Variants in RNF17 observed in about 807,000 individuals in gnomAD.
RNF17 encodes ring finger protein 17.
A neutral mutation model predicts 200.5 loss-of-function variants in RNF17; 31 were observed. The ratio of observed to expected loss-of-function variants is 0.15; its 90% CI spans 0.12 to 0.21. The LOEUF is 0.21. Among genes scored for constraint, RNF17 ranks in the 10% least tolerant of loss-of-function variants. RNF17 has a pLI of 1.00. For synonymous variants in RNF17, 606 were observed against 637.8 expected, an observed-to-expected ratio of 0.95 and a Z score of 0.75; for missense variants, 1,628 against 1,905.1, an observed-to-expected ratio of 0.85 and a Z score of 2.71.
At chr13:24,796,658 G>A (rs1015791634) in intron 11 of RNF17, among the ~76,000 whole-genome samples, 4 of 152,202 alleles carry the variant, frequency 2.6e-5, no homozygotes, top group Non-Finnish European at 4.4e-5. Flanking sequence ...CCATGTGTGA[G>A]TGTTGGGGCT....
At chr13:24,881,046 A>G (rs568334086), downstream of RNF17, among the ~76,000 whole-genome samples, 3 of 152,274 alleles carry the variant, frequency 2.0e-5, no homozygotes, top group East Asian at 5.8e-4. Context: ...TGTAGAAACA[A>G]TGTATTCTAG....
intron 15 of RNF17, 35 bp downstream of exon 15, chr13:24,804,464 TA>T (rs1285369299): frequency 3.3e-6 from 5 of 1,516,372 alleles, no homozygotes; most frequent in African/African-American, 1.4e-5. Context: ...ATGAAGTTTT[TA>T]AAAAAATTTT....
chr13:24,834,959 G>A (rs1178504118), intron 18 of RNF17, among the ~76,000 whole-genome samples: 1 of 152,194 alleles, frequency 6.6e-6, no homozygotes, highest in African/African-American at 2.4e-5. Flanking sequence ...TCTCCACCTG[G>A]ACACAGACTT....
chr13:24,883,338 CATT>C (rs761551736), downstream of RNF17: 1 of 1,612,858 alleles, frequency 6.2e-7, no homozygotes, highest in Non-Finnish European at 8.5e-7. Flanking sequence ...TCTCTTTGGC[CATT>C]ATTAAACTCT....
At chr13:24,881,914 A>G (rs1282805166), downstream of RNF17, among the ~76,000 whole-genome samples, 453 of 58,666 alleles carry the variant, frequency 7.7e-3, no homozygotes, top group African/African-American at 0.012. Context: ...ATATATAGAT[A>G]CATCTATATA....
At chr13:24,777,579 T>C (rs1164558633) in intron 3 of RNF17, among the ~76,000 whole-genome samples, 1 of 152,222 alleles carries the variant, frequency 6.6e-6, no homozygotes, top group African/African-American at 2.4e-5. Context: ...ATTAACTTGC[T>C]TAGTTAAATT....
At position 24,879,125 on chromosome 13, in the gene RNF17, TGA is replaced by T. The variant is rs1895168081; in HGVS notation, c.4774-58_4774-57del. ...TCACACCCGTGTGAATGGCCAGATA[TGA>T]GAGGGAAAAGGCAGCAAAGACATTA... On this transcript the variant is annotated intron_variant, in intron 34 of 35. Coordinates refer to ENST00000255324, the MANE Select transcript of RNF17 (RefSeq NM_031277.3). 7.6e-5 allele frequency: 95 copies of T among 1,255,396 alleles called. No individual in the cohort carries two copies. In the South Asian group the frequency reaches 1.1e-3, roughly 14 times the overall value. The allele number at this position is 1,255,396 out of a possible 1,614,324, so 77.8% of individuals were successfully genotyped here.
At chr13:24,759,476 A>G (rs949856170), upstream of RNF17, among the ~76,000 whole-genome samples, 1 of 152,232 alleles carries the variant, frequency 6.6e-6, no homozygotes, top group Admixed American at 6.5e-5. Flanking sequence ...TCCAGCATGC[A>G]CATTCTAAAT....
At chr13:24,837,630 A>C (rs1354773195) in intron 18 of RNF17, among the ~76,000 whole-genome samples, 1 of 152,166 alleles carries the variant, frequency 6.6e-6, no homozygotes, top group South Asian at 2.1e-4. Context: ...GGAAATTAAA[A>C]ATTTCTTCAA....
intron 5 of RNF17, among the ~76,000 whole-genome samples, chr13:24,780,152 AT>A (rs1882151534): frequency 6.6e-6 from 1 of 152,160 alleles, no homozygotes; most frequent in Admixed American, 6.6e-5. Flanking sequence ...TAGCAACAAA[AT>A]TTACAATTAA....
At chr13:24,837,309 A>G (rs1465974628) in intron 18 of RNF17, among the ~76,000 whole-genome samples, 1 of 152,204 alleles carries the variant, frequency 6.6e-6, no homozygotes, top group Admixed American at 6.5e-5. Context: ...ACATTACTAG[A>G]CAGGTCATCA....
upstream of RNF17, among the ~76,000 whole-genome samples, chr13:24,759,657 T>C (rs2137819400): frequency 6.6e-6 from 1 of 152,014 alleles, no homozygotes; most frequent in East Asian, 1.9e-4. Flanking sequence ...GGTTGCAGAA[T>C]GGGCAGAAAT....
chr13:24,792,457 A>G (rs1326886571), intron 9 of RNF17, among the ~76,000 whole-genome samples: 1 of 152,296 alleles, frequency 6.6e-6, no homozygotes, highest in East Asian at 1.9e-4. Flanking sequence ...TTGAAGGAGA[A>G]CAGAAGTGGT....
At chr13:24,788,256 C>T (rs1883375108) in intron 7 of RNF17, 97 bp downstream of exon 7, 1 of 839,282 alleles carries the variant, frequency 1.2e-6, no homozygotes. Flanking sequence ...TCAGATTATC[C>T]TAACCTATAT....
chr13:24,842,022 T>C lies in RNF17; in HGVS notation c.2483-19T>C, dbSNP rs1483255670. 1.3e-6 allele frequency: 2 copies of C among 1,584,304 alleles called. No individual in the cohort carries two copies. Among genetic ancestry groups the C allele is most frequent in the Admixed American group, 1.9e-5 (1 of 51,554 alleles). ...TTGTGACATATTTCTTTCCCCAAAC[T>C]TTCTTAATGGTTTTACAGAAATTCT... On this transcript the variant is annotated intron_variant, in intron 18 of 35. Coordinates refer to ENST00000255324, the MANE Select transcript of RNF17 (RefSeq NM_031277.3).
intron 13 of RNF17, among the ~76,000 whole-genome samples, chr13:24,801,025 T>G (rs951823656): frequency 6.6e-6 from 1 of 152,198 alleles, no homozygotes; most frequent in Non-Finnish European, 1.5e-5. Flanking sequence ...GAGGAGTCTG[T>G]CTTTGCTCAT....
At chr13:24,865,060 T>G in intron 29 of RNF17, 62 bp downstream of exon 29, 1 of 1,243,830 alleles carries the variant, frequency 8.0e-7, no homozygotes, top group Non-Finnish European at 1.1e-6. Context: ...AAATGTCACA[T>G]TTTGTCTTAC....
the RNF17 span, among the ~76,000 whole-genome samples, chr13:24,755,417 A>G: frequency 6.6e-6 from 1 of 152,156 alleles, no homozygotes; most frequent in Non-Finnish European, 1.5e-5. Context: ...GCTTATTCAC[A>G]CTGATTGGAA....
intron 15 of RNF17, among the ~76,000 whole-genome samples, chr13:24,825,163 T>C (rs966073248): frequency 2.0e-5 from 3 of 152,106 alleles, no homozygotes; most frequent in East Asian, 1.9e-4. Flanking sequence ...AAAAGTGTTA[T>C]GGAGATAACA....
Sources: gnomAD v4.1 joint callset for allele counts (sites outside exome capture counted in the v4.1 genomes callset) on GRCh38, gnomAD v4.1.1 for gene constraint, MANE v1.5 for transcripts, NCBI Gene and HGNC (gene_info 2026-07-23, HGNC 2026-07-21) for gene names.